FAM110B: variants seen among roughly 807,000 people sequenced by gnomAD.
FAM110B encodes protein FAM110B.
Under a neutral mutation model 20.4 loss-of-function variants are expected in FAM110B, and 6 were observed. The observed-to-expected ratio is 0.29, with a 90% CI of 0.16 to 0.58. The LOEUF is 0.58. FAM110B is among the 20% of genes least tolerant of loss of function. FAM110B has a pLI of 0.90. For synonymous variants in FAM110B, 226 were observed against 214.1 expected, an observed-to-expected ratio of 1.06 and a Z score of -0.49; for missense variants, 434 against 498.2, an observed-to-expected ratio of 0.87 and a Z score of 1.23.
chr8:58,024,239 T>A (rs910769832), intron 1 of FAM110B, among the ~76,000 whole-genome samples: 2 of 141,960 alleles, frequency 1.4e-5, no homozygotes, highest in Non-Finnish European at 3.0e-5. Context: ...CAAATAAAAA[T>A]AAATAATTAG....
intron 1 of FAM110B, among the ~76,000 whole-genome samples, chr8:58,002,364 C>A (rs764062714): frequency 6.6e-6 from 1 of 152,186 alleles, no homozygotes; most frequent in Non-Finnish European, 1.5e-5. Context: ...GAGCTGACTC[C>A]AAGAGTGTTA....
At chr8:58,118,610 A>T (rs982109545) in intron 3 of FAM110B, among the ~76,000 whole-genome samples, 1 of 152,172 alleles carries the variant, frequency 6.6e-6, no homozygotes, top group East Asian at 1.9e-4. Flanking sequence ...GTCTGTGCTA[A>T]GGAGACTGTT....
chr8:58,103,836 G>A (rs542893488), intron 3 of FAM110B, among the ~76,000 whole-genome samples: 5 of 152,210 alleles, frequency 3.3e-5, no homozygotes, highest in African/African-American at 4.8e-5. Flanking sequence ...TGAAGTTCAC[G>A]TAGTGCTGTC....
chr8:58,146,622 C>G lies in FAM110B; in HGVS notation c.392C>G (p.Ser131Cys), dbSNP rs773517395. The change falls in exon 4 of 4, where the codon TCT becomes TGT. Residue 131 changes from serine (S) to cysteine (C), a missense_variant. Ser to Cys is a moderately radical substitution (Grantham distance 112, BLOSUM62 -1). Transcript: ENST00000519262. ...LKNIINSSEG[S>C]SSGSGHKHSS... ...AACATCATCAATAGCTCCGAGGGCT[C>G]TAGCTCGGGCTCGGGGCACAAGCAC... is the stretch of plus-strand genomic sequence containing the variant. 8 of 1,613,952 alleles carry G rather than the reference C, an allele frequency of 5.0e-6. No individual in the cohort carries two copies. The highest frequency in any genetic ancestry group is 8.5e-7 in the Non-Finnish European group (1 of 1,179,928).
chr8:58,083,432 C>A (rs1163525224), intron 3 of FAM110B, among the ~76,000 whole-genome samples: 1 of 152,182 alleles, frequency 6.6e-6, no homozygotes, highest in African/African-American at 2.4e-5. Context: ...TTGGTCTCCT[C>A]AACTGCGTTT....
At chr8:58,086,126 G>A (rs1806327875) in intron 3 of FAM110B, among the ~76,000 whole-genome samples, 1 of 152,170 alleles carries the variant, frequency 6.6e-6, no homozygotes, top group South Asian at 2.1e-4. Context: ...CAGTGGTCAT[G>A]TTCATAACCG....
Position 58,096,181 on chromosome 8 carries a change from G to A in FAM110B, c.-325+20558G>A, listed in dbSNP as rs563150457. On this transcript the variant is annotated intron_variant, in intron 3 of 3. Transcript: ENST00000519262. ...CTGAGTACAGCATACCAATGGTCTTGACTCTTTTTTTTGAGACAGAGTTTT... is the reference window on the plus strand; with the variant it reads ...CTGAGTACAGCATACCAATGGTCTTAACTCTTTTTTTTGAGACAGAGTTTT... 2.6e-5 allele frequency among the ~76,000 whole-genome samples: 4 copies of A among 152,116 alleles called. No homozygotes were observed. The South Asian group carries it at 6.2e-4, about 24-fold the overall frequency.
At chr8:58,138,009 A>G (rs1585918201) in intron 3 of FAM110B, among the ~76,000 whole-genome samples, 1 of 151,992 alleles carries the variant, frequency 6.6e-6, no homozygotes, top group Admixed American at 6.6e-5. Context: ...TTTCCCCTTT[A>G]CTTGCTCCAG....
intron 3 of FAM110B, among the ~76,000 whole-genome samples, chr8:58,096,427 C>T (rs1165311614): frequency 6.6e-6 from 1 of 152,214 alleles, no homozygotes; most frequent in South Asian, 2.1e-4. Context: ...CCACCTGCCT[C>T]TGCCTCCCAA....
chr8:58,109,108 C>T (rs550426270), intron 3 of FAM110B, among the ~76,000 whole-genome samples: 30 of 152,244 alleles, frequency 2.0e-4, no homozygotes, highest in African/African-American at 5.8e-4. Flanking sequence ...GTCAGTCTGC[C>T]GACTTCATTT....
At chr8:58,048,236 A>C (rs1219619372) in intron 2 of FAM110B, among the ~76,000 whole-genome samples, 1 of 152,230 alleles carries the variant, frequency 6.6e-6, no homozygotes, top group African/African-American at 2.4e-5. Flanking sequence ...TGAGGATAAA[A>C]ATAGCATTGA....
intron 3 of FAM110B, chr8:58,113,451 A>G (rs1807114937): frequency 5.2e-6 from 1 of 192,798 alleles, no homozygotes; most frequent in African/African-American, 2.3e-5. Context: ...GTCCTCACAC[A>G]GCCTGAACTT....
intron 1 of FAM110B, among the ~76,000 whole-genome samples, chr8:58,014,486 C>A (rs1308165263): frequency 1.3e-5 from 2 of 152,124 alleles, no homozygotes; most frequent in Non-Finnish European, 2.9e-5. Context: ...AGTGCTAGGT[C>A]TGTGTCCCCG....
At chr8:58,085,638 T>C (rs994750568) in intron 3 of FAM110B, among the ~76,000 whole-genome samples, 1 of 152,188 alleles carries the variant, frequency 6.6e-6, no homozygotes, top group Non-Finnish European at 1.5e-5. Context: ...ATTTTTAGAG[T>C]ATAAGGAATG....
intron 1 of FAM110B, among the ~76,000 whole-genome samples, chr8:58,021,905 C>A (rs1187938878): frequency 6.6e-6 from 1 of 152,204 alleles, no homozygotes; most frequent in Non-Finnish European, 1.5e-5. Context: ...AAAGTTCAAT[C>A]TGCGGTGAAA....
chr8:58,128,245 G>A (rs1460407350), intron 3 of FAM110B, among the ~76,000 whole-genome samples: 1 of 152,234 alleles, frequency 6.6e-6, no homozygotes, highest in South Asian at 2.1e-4. Flanking sequence ...GAGTCACAGA[G>A]CTAAAAGACA....
chr8:58,020,509 G>C (rs1352192893), intron 1 of FAM110B, among the ~76,000 whole-genome samples: 1 of 152,196 alleles, frequency 6.6e-6, no homozygotes, highest in African/African-American at 2.4e-5. Flanking sequence ...ATTTAGTTAA[G>C]GTTGGAGTTA....
rs1295424778 is a variant in FAM110B at position 58,146,861 on chromosome 8, C to A, written c.631C>A (p.Pro211Thr). Reference protein sequence around the residue: ...SDIRKVTSVKPLKAIPCSSSA... With the variant: ...SDIRKVTSVKTLKAIPCSSSA... ...CATCCGCAAGGTGACCAGCGTGAAG[C>A]CCCTCAAGGCCATCCCCTGCAGTAG... Residue 211 changes from proline to threonine, a missense_variant, in exon 4 of 4, where the codon CCC becomes ACC. This residue lies in a region of FAM110B where 284 missense variants were observed against 278.3 expected (regional missense o/e 1.02). Transcript: ENST00000519262. 1 of 1,613,788 alleles carries A rather than the reference C, an allele frequency of 6.2e-7. No homozygotes were observed. Among genetic ancestry groups the A allele is most frequent in the Non-Finnish European group, 8.5e-7 (1 of 1,179,872 alleles).
intron 1 of FAM110B, among the ~76,000 whole-genome samples, chr8:58,025,628 G>C (rs1804840429): frequency 6.6e-6 from 1 of 152,200 alleles, no homozygotes; most frequent in Non-Finnish European, 1.5e-5. Context: ...GGTGTTGGGA[G>C]ACAGGTTGTG....
Sources: allele counts gnomAD v4.1 joint callset (sites outside exome capture counted in the v4.1 genomes callset), GRCh38; gene constraint gnomAD v4.1.1; regional missense constraint gnomAD v4.1.1; transcripts MANE v1.5; gene names NCBI Gene and HGNC (gene_info 2026-07-23, HGNC 2026-07-21).